The following PIGO variants were observed in gnomAD, a reference collection of about 807,000 sequenced individuals.
PIGO encodes the protein phosphatidylinositol glycan anchor biosynthesis class O.
A neutral mutation model predicts 86.9 loss-of-function variants in PIGO; 66 were observed. The observed-to-expected ratio is 0.76, with a 90% CI of 0.62 to 0.93. PIGO has a LOEUF of 0.93. Ranked by LOEUF, PIGO falls within the 40% of genes least tolerant of loss-of-function variation. The probability of loss-of-function intolerance (pLI) is 0.00; values close to 1 mark genes in which losing one functional copy is unlikely to be tolerated. For missense variants in PIGO, 1,202 were observed against 1,359.1 expected, an observed-to-expected ratio of 0.88 and a Z score of 1.82; for synonymous variants, 570 against 556.4, an observed-to-expected ratio of 1.02 and a Z score of -0.34.
At chr9:35,089,502 G>A in intron 9 of PIGO, 52 bp from the exon 10 acceptor site, 1 of 1,611,790 alleles carries the variant, frequency 6.2e-7, no homozygotes, top group South Asian at 1.1e-5. Context: ...GGAGGAAGCG[G>A]AGCAAAAGGA....
In PIGO at chr9:35,094,353, C is replaced by G; in HGVS notation, c.518G>C (p.Arg173Pro). ...GGTATCATCTCCCATGAAGACTACA[C>G]GCCTTCCTGCAGGGACATGAAAGAG... ...LIKQLTSAGR[R>P]VVFMGDDTWK... The change falls in exon 3 of 11, where the codon CGT (arginine) becomes CCT (proline). Residue 173 changes from arginine to proline, a missense_variant. Transcript: ENST00000378617. 6.2e-7 allele frequency: 1 copy of G among 1,601,430 alleles called. No individual in the cohort carries two copies. The highest frequency in any genetic ancestry group is 1.4e-5 in the African/African-American group (1 of 73,982).
In PIGO at chr9:35,093,100, CCT is replaced by C. The variant is rs1282776839; in HGVS notation, c.1047_1048del (p.Gly351Ter). ...GGAGTGGGGCTGGGAGTCCTCACCC[CCT>C]GAGAATAGCTCAGCCATCACTTCCC... On this transcript the variant is annotated frameshift_variant, in exon 6 of 11. Transcript: ENST00000378617. LOFTEE classifies it high-confidence loss of function. The C allele has an allele frequency of 1.2e-6, 2 of 1,614,212 alleles. No individual in the cohort carries two copies. Among genetic ancestry groups the C allele is most frequent in the South Asian group, 1.1e-5 (1 of 91,086 alleles).
At chr9:35,094,094 T>G (rs1829560647) in intron 3 of PIGO, 70 bp from the exon 4 acceptor site, 8 of 1,577,550 alleles carry the variant, frequency 5.1e-6, no homozygotes, top group Non-Finnish European at 6.9e-6. Flanking sequence ...GCTTTGACAC[T>G]CCTCTATGTC....
At position 35,094,407 on chromosome 9, in the gene PIGO, T is replaced by C. The variant is rs746874652; in HGVS notation, c.512-48A>G. The C allele has an allele frequency of 1.9e-6, 3 of 1,571,958 alleles. No individual in the cohort carries two copies. In the South Asian group the frequency reaches 3.6e-5, roughly 19 times the overall value. ...TCAGAGCCTGAGCAAACGTCAGGGT[T>C]AGGAGAAAAGAGGAAAAGAGGCCCT... is the stretch of plus-strand genomic sequence containing the variant. On this transcript the variant is annotated intron_variant, in intron 2 of 10. Transcript: ENST00000378617.
rs776918469 is a variant in PIGO, at chr9:35,093,615, GATAA to G, written c.780-39_780-36del. ...AATAAATGTGTCAGGAGTAGAAACG[GATAA>G]ATATTTTTCTCAAAAAGAAAAAAGA... On this transcript the variant is annotated intron_variant, in intron 4 of 10. Transcript: ENST00000378617. 23 of 1,556,920 alleles carry G rather than the reference GATAA, an allele frequency of 1.5e-5. No homozygotes were observed. The South Asian group carries it at 1.7e-4, about 11-fold the overall frequency.
At position 35,090,655 on chromosome 9, in the gene PIGO, AT is replaced by A. The variant is rs1206167577; in HGVS notation, c.2664del (p.Trp889GlyfsTer50). The A allele has an allele frequency of 3.7e-6, 6 of 1,613,948 alleles. No individual in the cohort carries two copies. In the Admixed American group the frequency reaches 1.0e-4, roughly 27 times the overall value. Reference sequence around the variant, plus strand: ...AGGGCCCAAGCCGAGACTGCCTGCCATGGCACAGTAAAAGGACCTGGAAGAA... The same window carrying A: ...AGGGCCCAAGCCGAGACTGCCTGCCAGGCACAGTAAAAGGACCTGGAAGAA... The part of the protein sequence containing the change: ...PVTTPGPFTV[P>X]WQAVSAWALM... On this transcript the variant is annotated frameshift_variant, in exon 8 of 11. Transcript: ENST00000378617. LOFTEE classifies it high-confidence loss of function.
Position 35,089,044 on chromosome 9 carries a change from T to C in PIGO, c.*48A>G, listed in dbSNP as rs752056058. On this transcript the variant is annotated 3_prime_UTR_variant, in exon 11 of 11. Transcript: ENST00000378617. ...AGTACCTGTACAGGCCAGGCTACAC[T>C]GTTCTCAAGCACTCTCTGTAGCCAA... 2.2e-5 allele frequency: 35 copies of C among 1,612,020 alleles called. 1 individual carries two copies. The South Asian group carries it at 3.6e-4, about 17-fold the overall frequency.
At chr9:35,090,739 A>G in intron 7 of PIGO, 67 bp from the exon 8 acceptor site, 1 of 1,449,602 alleles carries the variant, frequency 6.9e-7, no homozygotes, top group Non-Finnish European at 9.5e-7. Context: ...ACTGCTCCAC[A>G]ATCATATACT....
At chr9:35,089,811 C>T in intron 9 of PIGO, 1 of 1,401,446 alleles carries the variant, frequency 7.1e-7, no homozygotes, top group Non-Finnish European at 9.2e-7. Context: ...CCAGTCTGTC[C>T]ACTGATAGAG....
rs1414755614 is a variant in PIGO at position 35,096,527 on chromosome 9, CG to C, written c.-375del. On this transcript the variant is annotated 5_prime_UTR_variant, in exon 1 of 11. Coordinates refer to ENST00000378617, the MANE Select transcript of PIGO (RefSeq NM_032634.4). ...CCTTACTTCAGGGTGAGGGGAATAC[CG>C]GGGGGTGAGGTTCTCGGGAGACCCT... 1.3e-5 allele frequency: 2 copies of C among 152,706 alleles called. No homozygotes were observed. Among genetic ancestry groups the C allele is most frequent in the Non-Finnish European group, 2.9e-5 (2 of 68,356 alleles). The allele number at this position is 152,706 out of a possible 1,614,324, so 9.5% of individuals were successfully genotyped here.
intron 7 of PIGO, 73 bp from the exon 8 acceptor site, chr9:35,090,745 A>G: frequency 7.1e-7 from 1 of 1,405,820 alleles, no homozygotes; most frequent in Non-Finnish European, 9.8e-7. Flanking sequence ...CCACAATCAT[A>G]TACTCCTACT....
chr9:35,093,075 G>A lies in PIGO; in HGVS notation c.1074C>T (p.Ser358=), dbSNP rs1475700808. 1.2e-6 allele frequency: 2 copies of A among 1,614,064 alleles called. No homozygotes were observed. Among genetic ancestry groups the A allele is most frequent in the East Asian group, 2.2e-5 (1 of 44,886 alleles). ...FSGGEDSQPH[S]SALAQASALH... Reference sequence around the variant, plus strand: ...GAGCTGAGGCTTGGGCTAAAGCAGAGGAGTGGGGCTGGGAGTCCTCACCCC... The same window carrying A: ...GAGCTGAGGCTTGGGCTAAAGCAGAAGAGTGGGGCTGGGAGTCCTCACCCC... The change falls in exon 6 of 11, where the codon TCC becomes TCT. Residue 358 remains serine, a synonymous_variant. Coordinates refer to ENST00000378617, the MANE Select transcript of PIGO (RefSeq NM_032634.4).
At chr9:35,094,192 T>C (rs778565438) in intron 3 of PIGO, 24 bp downstream of exon 3, 1 of 1,580,404 alleles carries the variant, frequency 6.3e-7, no homozygotes, top group Non-Finnish European at 8.6e-7. Flanking sequence ...GTCTTAGAAC[T>C]AAGTGCTCTG....
chr9:35,092,321 G>T lies in PIGO; in HGVS notation c.1566C>A (p.Phe522Leu), dbSNP rs780211373. 1 of 1,614,100 alleles carries T rather than the reference G, an allele frequency of 6.2e-7. No homozygotes were observed. The highest frequency in any genetic ancestry group is 1.7e-5 in the Admixed American group (1 of 60,014). The change falls in exon 7 of 11, where the codon TTC becomes TTA. Residue 522 changes from phenylalanine to leucine, a missense_variant. Physicochemically the swap from Phe to Leu is conservative, Grantham distance 22. Coordinates refer to ENST00000378617, the MANE Select transcript of PIGO (RefSeq NM_032634.4). ...CCCAGGCTTTCCACAGAAAAGGGAG[G>T]AATGAGCTCACTGCAGCCACAGCCC... The part of the protein sequence containing the change: ...LLGAVAAVSS[F>L]LPFLWKAWAG...
rs988406591 is a variant in PIGO at position 35,090,195 on chromosome 9, A to G, written c.2940T>C (p.Ala980=). The G allele has an allele frequency of 6.2e-7, 1 of 1,614,186 alleles. No homozygotes were observed. The highest frequency in any genetic ancestry group is 8.5e-7 in the Non-Finnish European group (1 of 1,180,038). Residue 980 remains alanine (A), a synonymous_variant, in exon 9 of 11, where the codon GCT becomes GCC. Coordinates refer to ENST00000378617, the MANE Select transcript of PIGO (RefSeq NM_032634.4). ...CCTCCTCGGGTCTGACTCTGGCATC[A>G]GCTTCATTCCCTGGGGGCTGCTGTC... ...RKRQQPPGNE[A]DARVRPEEEE... is the part of the protein sequence containing the mutation.
In PIGO at chr9:35,090,607, A is replaced by C; in HGVS notation, c.2713T>G (p.Ser905Ala). 6.2e-7 allele frequency: 1 copy of C among 1,614,078 alleles called. No homozygotes were observed. Among genetic ancestry groups the C allele is most frequent in the Non-Finnish European group, 8.5e-7 (1 of 1,180,032 alleles). Residue 905 changes from serine to alanine, a missense_variant, in exon 8 of 11, where the codon TCC becomes GCC. Coordinates refer to ENST00000378617, the MANE Select transcript of PIGO (RefSeq NM_032634.4). The part of the protein sequence containing the change: ...WALMATQTFY[S>A]TGHQPVFPAI... ...GGAAAGACAGGCTGGTGGCCTGTGGAGTAGAAGGTCTGTGTGGCCATGAGG... is the reference window on the plus strand; with the variant it reads ...GGAAAGACAGGCTGGTGGCCTGTGGCGTAGAAGGTCTGTGTGGCCATGAGG...
chr9:35,091,560 G>A lies in PIGO; in HGVS notation c.2327C>T (p.Thr776Ile), dbSNP rs746285713. 1 of 1,614,088 alleles carries A rather than the reference G, an allele frequency of 6.2e-7. No homozygotes were observed. The highest frequency in any genetic ancestry group is 1.1e-5 in the South Asian group (1 of 91,084). ...TGAGAAGGGAGTGAGGACAGTCCTG[G>A]TCCTTGGAGCGCCTGCCCCAGCCTT... ...LVKAGAGAPR[T>I]RTVLTPFSGP... The change falls in exon 7 of 11, where the codon ACC becomes ATC. Residue 776 changes from threonine to isoleucine, a missense_variant. Transcript: ENST00000378617.
At position 35,091,799 on chromosome 9, in the gene PIGO, G is replaced by T. The variant is rs1276889136; in HGVS notation, c.2088C>A (p.Ser696Arg). The change falls in exon 7 of 11, where the codon AGC becomes AGA. Residue 696 changes from serine (S) to arginine (R), a missense_variant. Coordinates refer to ENST00000378617, the MANE Select transcript of PIGO (RefSeq NM_032634.4). ...LWLRRYGNLK[S>R]PEPPMLFVRW... Reference sequence around the variant, plus strand: ...GCACAAAGAGCATGGGTGGCTCGGGGCTCTTGAGATTACCATAGCGGCGAA... The same window carrying T: ...GCACAAAGAGCATGGGTGGCTCGGGTCTCTTGAGATTACCATAGCGGCGAA... 2 of 1,613,176 alleles carry T rather than the reference G, an allele frequency of 1.2e-6. No individual in the cohort carries two copies. Among genetic ancestry groups the T allele is most frequent in the South Asian group, 1.1e-5 (1 of 91,080 alleles).
rs754177998 is a variant in PIGO, at chr9:35,093,911, G to C, written c.769C>G (p.Gln257Glu). The C allele has an allele frequency of 1.5e-5, 25 of 1,614,020 alleles. No homozygotes were observed. The South Asian group carries it at 2.4e-4, about 16-fold the overall frequency. The change falls in exon 4 of 11, where the codon CAG (glutamine) becomes GAG (glutamate). Residue 257 changes from glutamine to glutamate, a missense_variant. Transcript: ENST00000378617. ...ATACCCCACACTCACTGGATCACCT[G>C]GTCCATCTGGCTAAGTTTCTTGGCC... ...EMAKKLSQMDQVIQGLVERLE... is the reference protein window; with the variant it reads ...EMAKKLSQMDEVIQGLVERLE...
Sources: gnomAD v4.1 joint callset for allele counts on GRCh38, gnomAD v4.1.1 for gene constraint, MANE v1.5 for transcripts, NCBI Gene and HGNC (gene_info 2026-07-23, HGNC 2026-07-21) for gene names.